OPRD1: variants seen among roughly 807,000 people sequenced by gnomAD.
The protein encoded by OPRD1 is delta-type opioid receptor.
OPRD1 carries 19 observed loss-of-function variants against 17.5 expected under a neutral mutation model. That is an observed-to-expected ratio of 1.09 (90% confidence interval 0.76 to 1.60). The LOEUF is 1.60. Ranked by LOEUF, OPRD1 falls within the 40% of genes most tolerant of loss-of-function variation. The pLI, the probability that OPRD1 is intolerant of heterozygous loss-of-function variation, is 0.00. For synonymous variants in OPRD1, 256 were observed against 240.9 expected (o/e 1.06, Z -0.58); for missense variants, 483 against 547.2 (o/e 0.88, Z 1.17).
In OPRD1 at chr1:28,863,323, C is replaced by T; in HGVS notation, c.*40C>T. ...CCCCAGAGCGCCCCTCCCTAGTGAC[C>T]CGGAGGCCACATGAGTCCCAGTGGG... On this transcript the variant is annotated 3_prime_UTR_variant, in exon 3 of 3. Coordinates refer to ENST00000234961, the MANE Select transcript of OPRD1 (RefSeq NM_000911.4). 1 of 1,405,314 alleles carries T rather than the reference C, an allele frequency of 7.1e-7. No individual in the cohort carries two copies. Among genetic ancestry groups the T allele is most frequent in the South Asian group, 1.6e-5 (1 of 63,860 alleles). 87.1% of individuals were successfully genotyped at this position (1,405,314 alleles called of 1,614,324 possible). A position where few individuals can be genotyped will look rare whatever the true frequency, so the allele number is the denominator to read the frequency against.
At chr1:28,818,299 C>A (rs937280976) in intron 1 of OPRD1, among the ~76,000 whole-genome samples, 16 of 152,328 alleles carry the variant, frequency 1.1e-4, no homozygotes, top group Non-Finnish European at 2.4e-4. Flanking sequence ...CCTCAGCTCT[C>A]ACTGCCCAGA....
intron 1 of OPRD1, among the ~76,000 whole-genome samples, chr1:28,856,908 G>A (rs2089062668): frequency 6.6e-6 from 1 of 152,186 alleles, no homozygotes; most frequent in South Asian, 2.1e-4. Context: ...GAAGAGGGAT[G>A]CACTGTGGCT....
At chr1:28,813,775 C>T (rs1289078813) in intron 1 of OPRD1, among the ~76,000 whole-genome samples, 1 of 152,164 alleles carries the variant, frequency 6.6e-6, no homozygotes, top group Non-Finnish European at 1.5e-5. Flanking sequence ...CCATGCAGGG[C>T]ATAGGTCAGG....
intron 1 of OPRD1, among the ~76,000 whole-genome samples, chr1:28,820,805 G>C (rs965017103): frequency 1.3e-5 from 2 of 151,698 alleles, no homozygotes; most frequent in African/African-American, 4.8e-5. Context: ...GCAACAAAGC[G>C]AGATCCCATA....
intron 1 of OPRD1, among the ~76,000 whole-genome samples, chr1:28,855,058 A>T (rs752770696): frequency 2.0e-5 from 3 of 152,196 alleles, no homozygotes; most frequent in Non-Finnish European, 2.9e-5. Flanking sequence ...GAGAGACCCA[A>T]GTGGGCAGAA....
In OPRD1 at chr1:28,812,245, C is replaced by G; in HGVS notation, c.-139C>G. On this transcript the variant is annotated 5_prime_UTR_variant, in exon 1 of 3. Coordinates refer to ENST00000234961, the MANE Select transcript of OPRD1 (RefSeq NM_000911.4). ...CGGGCGGCGAGGCAGGCGGACGAGG[C>G]GCAGAGACAGCGGGGCGGCCGGGGC... 2.7e-6 allele frequency: 1 copy of G among 374,260 alleles called. No homozygotes were observed. Among genetic ancestry groups the G allele is most frequent in the Non-Finnish European group, 4.0e-6 (1 of 249,230 alleles). The allele number at this position is 374,260 out of a possible 1,614,324, so 23.2% of individuals were successfully genotyped here.
At chr1:28,861,913 C>CTTTTTTTT (rs34765043) in intron 2 of OPRD1, among the ~76,000 whole-genome samples, 1 of 52,948 alleles carries the variant, frequency 1.9e-5, no homozygotes, top group Non-Finnish European at 4.8e-5. Flanking sequence ...CTTTTCTTTT[C>CTTTTTTTT]TTTTTTTTTT....
intron 1 of OPRD1, among the ~76,000 whole-genome samples, chr1:28,858,274 C>T (rs1367681454): frequency 1.3e-5 from 2 of 150,232 alleles, no homozygotes; most frequent in Non-Finnish European, 1.5e-5. Context: ...CCATCACGCC[C>T]GGCTATTTTT....
intron 1 of OPRD1, among the ~76,000 whole-genome samples, chr1:28,848,799 C>T (rs955366877): frequency 1.1e-4 from 17 of 152,150 alleles, no homozygotes; most frequent in Admixed American, 7.2e-4. Context: ...TAAATCACCT[C>T]GCCTCTTGTG....
intron 1 of OPRD1, among the ~76,000 whole-genome samples, chr1:28,823,991 A>G (rs903961725): frequency 1.5e-4 from 22 of 151,140 alleles, no homozygotes; most frequent in Admixed American, 1.1e-3. Context: ...CAGCCTGGCC[A>G]ACATGGTGAA....
chr1:28,832,775 T>C (rs1308625066), intron 1 of OPRD1, among the ~76,000 whole-genome samples: 1 of 152,156 alleles, frequency 6.6e-6, no homozygotes. Flanking sequence ...AATGGGAATA[T>C]ACTGAGACCC....
At chr1:28,854,071 A>G (rs992631995) in intron 1 of OPRD1, among the ~76,000 whole-genome samples, 1 of 151,992 alleles carries the variant, frequency 6.6e-6, no homozygotes, top group Admixed American at 6.6e-5. Flanking sequence ...AGCTATATAC[A>G]TATATGTAAT....
chr1:28,820,076 G>C (rs887119412), intron 1 of OPRD1, among the ~76,000 whole-genome samples: 3 of 152,084 alleles, frequency 2.0e-5, no homozygotes, highest in African/African-American at 7.2e-5. Context: ...TCAGCACAGA[G>C]CTAGGCATTT....
At chr1:28,847,073 C>A (rs72889678) in intron 1 of OPRD1, among the ~76,000 whole-genome samples, 1 of 78,810 alleles carries the variant, frequency 1.3e-5, no homozygotes, top group Non-Finnish European at 3.1e-5. Flanking sequence ...TCCTTTCCGA[C>A]GGAGTTTGGC....
chr1:28,830,178 C>G (rs1413396983), intron 1 of OPRD1, among the ~76,000 whole-genome samples: 1 of 152,054 alleles, frequency 6.6e-6, no homozygotes, highest in Non-Finnish European at 1.5e-5. Flanking sequence ...AGTTCATCCT[C>G]TTACAGGCGT....
At position 28,866,303 on chromosome 1, in the gene OPRD1, GA is replaced by G; in HGVS notation, c.*3024del. ...GTTTGTCGCAGTTCTGTAAGAGGTG[GA>G]AAAGGGTCGGGGACCCTGAAGGATG... On this transcript the variant is annotated 3_prime_UTR_variant, in exon 3 of 3. Coordinates refer to ENST00000234961, the MANE Select transcript of OPRD1 (RefSeq NM_000911.4). The G allele has an allele frequency of 6.6e-6, 1 of 152,388 alleles. No individual in the cohort carries two copies. The highest frequency in any genetic ancestry group is 1.5e-5 in the Non-Finnish European group (1 of 68,054). 9.4% of individuals were successfully genotyped at this position (152,388 alleles called of 1,614,324 possible).
intron 1 of OPRD1, among the ~76,000 whole-genome samples, chr1:28,816,608 G>A (rs1472267822): frequency 1.3e-5 from 2 of 152,154 alleles, no homozygotes; most frequent in African/African-American, 4.8e-5. Context: ...ACAGCCTGTG[G>A]CTGGAGGGAA....
intron 1 of OPRD1, among the ~76,000 whole-genome samples, chr1:28,845,478 CA>C (rs11361906): frequency 0.54 from 65,991 of 121,568 alleles, 15,913 homozygotes; most frequent in East Asian, 0.93. Flanking sequence ...GACTCCATCT[CA>C]AAAAAAAAAA....
chr1:28,847,899 C>T (rs1024620992), intron 1 of OPRD1, among the ~76,000 whole-genome samples: 1 of 151,726 alleles, frequency 6.6e-6, no homozygotes, highest in African/African-American at 2.4e-5. Flanking sequence ...TTAGGGCTCT[C>T]ATATGTAAAC....
Sources: allele counts gnomAD v4.1 joint callset (sites outside exome capture counted in the v4.1 genomes callset), GRCh38; gene constraint gnomAD v4.1.1; transcripts MANE v1.5; gene names NCBI Gene and HGNC (gene_info 2026-07-23, HGNC 2026-07-21).